The following SPEG variants were observed in gnomAD, a reference collection of about 807,000 sequenced individuals.
The protein encoded by SPEG is striated muscle enriched protein kinase, also known as striated muscle preferentially expressed protein kinase.
SPEG carries 114 observed loss-of-function variants against 300.4 expected under a neutral mutation model. The ratio of observed to expected loss-of-function variants is 0.38; its 90% CI spans 0.33 to 0.44. The LOEUF (loss-of-function observed/expected upper bound fraction) is 0.44, where lower values mean the gene tolerates loss of function less well. Ranked by LOEUF, SPEG falls within the 20% of genes least tolerant of loss-of-function variation. The pLI, the probability that SPEG is intolerant of heterozygous loss-of-function variation, is 1.00. For missense variants in SPEG, 4,201 were observed against 4,586.2 expected (o/e 0.92, Z 2.43); for synonymous variants, 1,964 against 2,018.9 (o/e 0.97, Z 0.73).
intron 38 of SPEG, 141 bp from the exon 39 acceptor site, chr2:219,491,653 C>G (rs1693981845): frequency 2.9e-6 from 2 of 697,186 alleles, no homozygotes; most frequent in Non-Finnish European, 5.1e-6. Flanking sequence ...GCCTACTGGC[C>G]TTCAGGGCCT....
rs1575086422 is a variant in SPEG, at chr2:219,458,391, A to G, written c.2441-3491A>G. Among the ~76,000 whole-genome samples the G allele has an allele frequency of 6.7e-6, 1 of 149,522 alleles. No individual in the cohort carries two copies. The highest frequency in any genetic ancestry group is 1.9e-4 in the East Asian group (1 of 5,144). On this transcript the variant is annotated intron_variant, in intron 6 of 40. Coordinates refer to ENST00000312358, the MANE Select transcript of SPEG (RefSeq NM_005876.5). This position sits in a 1 kb window ranked among gnomAD's most constrained non-coding sequence, Gnocchi z 4.2. ...TCACCTGAGTATGTGTTAGAAATGC[A>G]GTTTCTTTTTTTTTTTTTCCCAATA...
At chr2:219,466,225 A>T in intron 9 of SPEG, 1 of 1,422,164 alleles carries the variant, frequency 7.0e-7, no homozygotes, top group Non-Finnish European at 9.3e-7. Flanking sequence ...TGCAGCCCCC[A>T]GGGGGATAGC....
intron 4 of SPEG, 197 bp from the exon 5 acceptor site, chr2:219,450,939 C>T (rs557651556): frequency 2.3e-5 from 13 of 557,066 alleles, no homozygotes; most frequent in East Asian, 1.3e-4. Context: ...TGACCTGTTT[C>T]GAGAATGCTC....
chr2:219,465,713 T>G, intron 9 of SPEG: 2 of 411,180 alleles, frequency 4.9e-6, no homozygotes, highest in East Asian at 5.3e-5. Flanking sequence ...GAGCTGTCCT[T>G]GGGGGAGCCA....
rs950517280 is a variant in SPEG, at chr2:219,489,588, C to T, written c.8570C>T (p.Pro2857Leu). ...RRHRGLQAAR[P>L]AEPTLPSTHV... ...CACAGGGGCCTGCAGGCTGCCCGGC[C>T]AGCGGAGCCCACCCTACCCAGTACC... Residue 2857 changes from proline (P) to leucine (L), a missense_variant, in exon 36 of 41, where the codon CCA (proline) becomes CTA (leucine). Around this residue, in one of 4 missense-constraint regions of SPEG, gnomAD observed 1,578 missense variants for 1,506.0 expected, o/e 1.05. Transcript: ENST00000312358. The T allele has an allele frequency of 1.5e-5, 25 of 1,613,538 alleles. No individual in the cohort carries two copies. The highest frequency in any genetic ancestry group is 6.7e-5 in the Admixed American group (4 of 59,998).
rs1232790460 is a variant in SPEG at position 219,459,733 on chromosome 2, C to T, written c.2441-2149C>T. ...TCCAGGCTCCATAGAGGGGTAGGACCGCCCACCTGCGGAGCCATGCCTGTG... is the reference window on the plus strand; with the variant it reads ...TCCAGGCTCCATAGAGGGGTAGGACTGCCCACCTGCGGAGCCATGCCTGTG... On this transcript the variant is annotated intron_variant, in intron 6 of 40. Coordinates refer to ENST00000312358, the MANE Select transcript of SPEG (RefSeq NM_005876.5). The surrounding 1 kb of genome is among the most constrained non-coding windows in gnomAD (Gnocchi z 4.9). Among the ~76,000 whole-genome samples, 4 of 152,182 alleles carry T rather than the reference C, an allele frequency of 2.6e-5. No homozygotes were observed. Among genetic ancestry groups the T allele is most frequent in the South Asian group, 4.1e-4 (2 of 4,830 alleles).
chr2:219,440,560 AT>A (rs869053382), intron 1 of SPEG, among the ~76,000 whole-genome samples: 5 of 127,168 alleles, frequency 3.9e-5, no homozygotes, highest in African/African-American at 5.9e-5. Flanking sequence ...TATTTATTTT[AT>A]TTTATTTATT....
chr2:219,447,014 C>T (rs1422677961), intron 3 of SPEG, among the ~76,000 whole-genome samples: 3 of 108,198 alleles, frequency 2.8e-5, no homozygotes, highest in African/African-American at 7.0e-5. Flanking sequence ...GTGTGATGTG[C>T]CCCCTCACCC....
In SPEG at chr2:219,484,937, C is replaced by T. The variant is rs939871492; in HGVS notation, c.7474C>T (p.Arg2492Cys). 2.0e-6 allele frequency: 3 copies of T among 1,529,186 alleles called. No homozygotes were observed. The African/African-American group carries it at 4.2e-5, about 21-fold the overall frequency. The allele number at this position is 1,529,186 out of a possible 1,614,324, so 94.7% of individuals were successfully genotyped here. A position where few individuals can be genotyped will look rare whatever the true frequency, so the allele number is the denominator to read the frequency against. ...GRSTPLFGRL[R>C]RATSEGESLR... ...CAGCACGCCGCTGTTCGGACGGCTT[C>T]GCAGGGCCACGTCCGAGGGCGAGAG... Residue 2492 changes from arginine (R) to cysteine (C), a missense_variant, in exon 30 of 41, where the codon CGC (arginine) becomes TGC (cysteine). Coordinates refer to ENST00000312358, the MANE Select transcript of SPEG (RefSeq NM_005876.5).
Position 219,460,659 on chromosome 2 carries a change from G to A in SPEG, c.2441-1223G>A, listed in dbSNP as rs773529950. 1.5e-5 allele frequency: 15 copies of A among 983,278 alleles called. No homozygotes were observed. In the East Asian group the frequency reaches 1.2e-3, roughly 82 times the overall value. 60.9% of individuals were successfully genotyped at this position (983,278 alleles called of 1,614,324 possible). A position where few individuals can be genotyped will look rare whatever the true frequency, so the allele number is the denominator to read the frequency against. ...GGCTAAATCCAGACGGCCGCGCTCC[G>A]CCCTCCCTCCCCTCTCCCCTCTCCT... On this transcript the variant is annotated intron_variant, in intron 6 of 40. Coordinates refer to ENST00000312358, the MANE Select transcript of SPEG (RefSeq NM_005876.5).
In SPEG at chr2:219,462,529, T is replaced by C. The variant is rs553147115; in HGVS notation, c.2705+143T>C. The C allele has an allele frequency of 7.0e-5, 46 of 658,216 alleles. No homozygotes were observed. The South Asian group carries it at 8.0e-4, about 12-fold the overall frequency. The allele number at this position is 658,216 out of a possible 1,614,324, so 40.8% of individuals were successfully genotyped here. A position where few individuals can be genotyped will look rare whatever the true frequency, so the allele number is the denominator to read the frequency against. On this transcript the variant is annotated intron_variant, in intron 8 of 40. Coordinates refer to ENST00000312358, the MANE Select transcript of SPEG (RefSeq NM_005876.5). ...AGGGGCCTCATCTCAGGGACAGCAG[T>C]GTACTCCCCCCGGCACCCTGTCCCT...
In SPEG at chr2:219,448,536, C is replaced by T; in HGVS notation, c.1378C>T (p.Pro460Ser). 1 of 1,444,576 alleles carries T rather than the reference C, an allele frequency of 6.9e-7. No homozygotes were observed. The highest frequency in any genetic ancestry group is 2.9e-5 in the East Asian group (1 of 34,194). The allele number at this position is 1,444,576 out of a possible 1,614,324, so 89.5% of individuals were successfully genotyped here. Reference protein sequence around the residue: ...PGASQEELRAPGSVAERRRLF... With the variant: ...PGASQEELRASGSVAERRRLF... ...GGCCTCGCAGGAAGAACTGCGGGCG[C>T]CAGGCAGCGTGGCCGAGCGGCGCCG... is the stretch of plus-strand genomic sequence containing the variant. Residue 460 changes from proline (P) to serine (S), a missense_variant, in exon 4 of 41, where the codon CCA (proline) becomes TCA (serine). By Grantham distance (74) the Pro-to-Ser change is moderately conservative. This residue lies in a region of SPEG where 1,258 missense variants were observed against 1,293.9 expected (regional missense o/e 0.97). Transcript: ENST00000312358.
intron 10 of SPEG, 35 bp downstream of exon 10, chr2:219,467,469 T>C (rs769605882): frequency 6.4e-7 from 1 of 1,574,162 alleles, no homozygotes; most frequent in Non-Finnish European, 8.6e-7. Flanking sequence ...CTGCCGTGGG[T>C]GCCCAAGAGC....
intron 31 of SPEG, 59 bp downstream of exon 31, chr2:219,485,536 T>C: frequency 6.7e-7 from 1 of 1,481,980 alleles, no homozygotes; most frequent in South Asian, 1.4e-5. Flanking sequence ...CCTACCCCCA[T>C]CAGGGAGCAG....
rs1173637865 is a variant in SPEG, at chr2:219,480,176, A to G, written c.5342+36A>G. ...CATGCTGGGCTGGGCCGACCAGGGC[A>G]GCTGCCCTTGGGGCTGTGCTGGGGA... On this transcript the variant is annotated intron_variant, in intron 25 of 40. Transcript: ENST00000312358. This position sits in a 1 kb window ranked among gnomAD's most constrained non-coding sequence, Gnocchi z 5.3. 3.1e-6 allele frequency: 5 copies of G among 1,607,992 alleles called. No individual in the cohort carries two copies. The South Asian group carries it at 4.4e-5, about 14-fold the overall frequency.
At position 219,483,503 on chromosome 2, in the gene SPEG, A is replaced by C. The variant is rs1000883349; in HGVS notation, c.6040A>C (p.Ser2014Arg). The C allele has an allele frequency of 3.0e-5, 43 of 1,422,400 alleles. No homozygotes were observed. The highest frequency in any genetic ancestry group is 2.5e-4 in the East Asian group (9 of 36,284). 88.1% of individuals were successfully genotyped at this position (1,422,400 alleles called of 1,614,324 possible). ...SPRRGELRRGSSAESALPRAG... is the reference protein window; with the variant it reads ...SPRRGELRRGRSAESALPRAG... ...CAGGCGGGGAGAGCTCCGCAGGGGC[A>C]GCTCGGCTGAGAGCGCCCTGCCCCG... The change falls in exon 30 of 41, where the codon AGC (serine) becomes CGC (arginine). Residue 2014 changes from serine to arginine, a missense_variant. Coordinates refer to ENST00000312358, the MANE Select transcript of SPEG (RefSeq NM_005876.5).
rs569559304 is a variant in SPEG, at chr2:219,467,247, G to A, written c.2955G>A (p.Ala985=). Residue 985 remains alanine, a synonymous_variant, in exon 10 of 41, where the codon GCG becomes GCA. Coordinates refer to ENST00000312358, the MANE Select transcript of SPEG (RefSeq NM_005876.5). ...TGGACGTGGGGGCCGGGGAGATGGCGCTGTTTGAGTGCCTGGTGGCGGGGC... is the reference window on the plus strand; with the variant it reads ...TGGACGTGGGGGCCGGGGAGATGGCACTGTTTGAGTGCCTGGTGGCGGGGC... ...QDVDVGAGEM[A]LFECLVAGPT... The A allele has an allele frequency of 5.0e-6, 8 of 1,606,610 alleles. No homozygotes were observed. In the Admixed American group the frequency reaches 1.0e-4, roughly 20 times the overall value.
chr2:219,448,327 C>G lies in SPEG; in HGVS notation c.1169C>G (p.Ser390Trp). Residue 390 changes from serine (S) to tryptophan (W), a missense_variant, in exon 4 of 41, where the codon TCG (serine) becomes TGG (tryptophan). By Grantham distance (177) the Ser-to-Trp change is radical. This residue lies in a region of SPEG where 1,258 missense variants were observed against 1,293.9 expected (regional missense o/e 0.97). Transcript: ENST00000312358. ...ASGRLSALGR[S>W]PRLVRAGSRI... ...GGCCGCCTGTCGGCGTTGGGCCGAT[C>G]GCCTAGGCTGGTGCGCGCCGGCTCC... 2 of 1,601,228 alleles carry G rather than the reference C, an allele frequency of 1.2e-6. No homozygotes were observed. The highest frequency in any genetic ancestry group is 1.7e-5 in the Admixed American group (1 of 57,796).
At position 219,491,844 on chromosome 2, in the gene SPEG, G is replaced by T; in HGVS notation, c.9436G>T (p.Gly3146Ter). 6.2e-7 allele frequency: 1 copy of T among 1,611,914 alleles called. No homozygotes were observed. ...CATCGGCTCTGCCACGGACATCTGG[G>T]GAGCGGGTGTGCTCACTTACATTAT... Reference protein sequence around the residue: ...EPIGSATDIWGAGVLTYIMLS... With the variant: ...EPIGSATDIW Residue 3146 changes from glycine to a stop codon, truncating the protein, a stop_gained, in exon 39 of 41, where the codon GGA becomes TGA. Transcript: ENST00000312358. LOFTEE classifies it high-confidence loss of function.
Sources: allele counts gnomAD v4.1 joint callset (sites outside exome capture counted in the v4.1 genomes callset), GRCh38; gene constraint gnomAD v4.1.1; regional missense constraint gnomAD v4.1.1; non-coding constraint Gnocchi (gnomAD v3.1); transcripts MANE v1.5; gene names NCBI Gene and HGNC (gene_info 2026-07-23, HGNC 2026-07-21).